The following GAS7 variants were observed in gnomAD, a reference collection of about 807,000 sequenced individuals.
GAS7 encodes the protein growth arrest specific 7.
In GAS7, 28 loss-of-function variants were observed where a neutral mutation model predicts 71.1. The observed-to-expected ratio is 0.39, with a 90% confidence interval of 0.29 to 0.54. GAS7 has a LOEUF of 0.54. Among genes scored for constraint, GAS7 ranks in the 20% least tolerant of loss-of-function variants. GAS7 has a pLI of 0.62. For synonymous variants in GAS7, 258 were observed against 245.8 expected, an observed-to-expected ratio of 1.05 and a Z score of -0.46; for missense variants, 436 against 627.8, an observed-to-expected ratio of 0.69 and a Z score of 3.27.
chr17:10,181,887 A>G (rs1034732053), intron 1 of GAS7, among the ~76,000 whole-genome samples: 2 of 152,194 alleles, frequency 1.3e-5, no homozygotes, highest in African/African-American at 4.8e-5. Flanking sequence ...GGTCATCCTC[A>G]CTGCTCATTA....
intron 1 of GAS7, among the ~76,000 whole-genome samples, chr17:10,172,335 G>A (rs1322328842): frequency 6.6e-6 from 1 of 152,126 alleles, no homozygotes; most frequent in African/African-American, 2.4e-5. Context: ...CGCATGTCCG[G>A]CCCTGCCCAA....
In GAS7 at chr17:10,169,471, G is replaced by A. The variant is rs73279957; in HGVS notation, c.183+28737C>T. On this transcript the variant is annotated intron_variant, in intron 1 of 13. Coordinates refer to ENST00000432992, the MANE Select transcript of GAS7 (RefSeq NM_201433.2). ...AACAGATGCTAACAACACCAGGAAG[G>A]GTGCGTCATCCCTGAGGCTTTGACC... Among the ~76,000 whole-genome samples the A allele has an allele frequency of 1.9e-3, 291 of 152,202 alleles. 1 individual carries two copies. Among genetic ancestry groups the A allele is most frequent in the African/African-American group, 6.7e-3 (277 of 41,530 alleles).
In GAS7 at chr17:9,913,676, T is replaced by C. The variant is rs2067500942; in HGVS notation, c.*3552A>G. 3 of 230,994 alleles carry C rather than the reference T, an allele frequency of 1.3e-5. No individual in the cohort carries two copies. The highest frequency in any genetic ancestry group is 5.7e-5 in the Admixed American group (1 of 17,676). 14.3% of individuals were successfully genotyped at this position (230,994 alleles called of 1,614,324 possible). A position where few individuals can be genotyped will look rare whatever the true frequency, so the allele number is the denominator to read the frequency against. ...GTGGAGGTAGAAAGGAGGCCCAGGGTGGTCCCACTGACAGAATCTCAGGGC... is the reference window on the plus strand; with the variant it reads ...GTGGAGGTAGAAAGGAGGCCCAGGGCGGTCCCACTGACAGAATCTCAGGGC... On this transcript the variant is annotated 3_prime_UTR_variant, in exon 14 of 14. Transcript: ENST00000432992.
rs949338457 is a variant in GAS7 at position 9,911,400 on chromosome 17, C to T, written c.*5828G>A. The T allele has an allele frequency of 4.3e-6, 1 of 233,540 alleles. No individual in the cohort carries two copies. Among genetic ancestry groups the T allele is most frequent in the Non-Finnish European group, 8.5e-6 (1 of 118,284 alleles). The allele number at this position is 233,540 out of a possible 1,614,324, so 14.5% of individuals were successfully genotyped here. ...CACCCACGTGCCCTGACCTTACATTCCACTGCAATCCCACTAAAGTTTCCC... is the reference window on the plus strand; with the variant it reads ...CACCCACGTGCCCTGACCTTACATTTCACTGCAATCCCACTAAAGTTTCCC... On this transcript the variant is annotated 3_prime_UTR_variant, in exon 14 of 14. Transcript: ENST00000432992. The surrounding 1 kb of genome is among the most constrained non-coding windows in gnomAD (Gnocchi z 4.0).
intron 1 of GAS7, among the ~76,000 whole-genome samples, chr17:10,062,253 G>C (rs952981795): frequency 1.3e-5 from 2 of 152,268 alleles, no homozygotes; most frequent in African/African-American, 4.8e-5. Flanking sequence ...GGGAGGCCAA[G>C]GCGGGTGGAT....
At chr17:10,095,527 T>C (rs966605825) in intron 1 of GAS7, among the ~76,000 whole-genome samples, 2 of 152,142 alleles carry the variant, frequency 1.3e-5, no homozygotes, top group Non-Finnish European at 2.9e-5. Context: ...GACAAATGTG[T>C]AAGTTTCTCA....
At chr17:9,979,763 A>T (rs967192617) in intron 3 of GAS7, among the ~76,000 whole-genome samples, 36 of 152,166 alleles carry the variant, frequency 2.4e-4, no homozygotes, top group African/African-American at 7.5e-4. Context: ...CTCTGGCTGG[A>T]AAAGACAGCT....
chr17:9,926,590 C>A lies in GAS7; in HGVS notation c.1014+51G>T. 1 of 1,597,652 alleles carries A rather than the reference C, an allele frequency of 6.3e-7. No homozygotes were observed. The highest frequency in any genetic ancestry group is 8.5e-7 in the Non-Finnish European group (1 of 1,170,794). ...TGCTGGCTTCCCAGTCCCCCTTCTT[C>A]CAGGCAGTCCCCCATGCACCTGCCC... is the stretch of plus-strand genomic sequence containing the variant. On this transcript the variant is annotated intron_variant, in intron 10 of 13. Transcript: ENST00000432992. The surrounding 1 kb of genome is among the most constrained non-coding windows in gnomAD (Gnocchi z 5.0).
intron 4 of GAS7, among the ~76,000 whole-genome samples, chr17:9,960,441 C>T (rs1452815608): frequency 1.3e-5 from 2 of 152,214 alleles, no homozygotes; most frequent in Non-Finnish European, 2.9e-5. Context: ...CCACCTGTCT[C>T]GGCCTCCCAA....
intron 1 of GAS7, among the ~76,000 whole-genome samples, chr17:10,181,287 G>A (rs1167455372): frequency 6.6e-6 from 1 of 151,994 alleles, no homozygotes; most frequent in East Asian, 1.9e-4. Context: ...TTGAACCCAG[G>A]AGGTGGAGAT....
At chr17:10,041,307 CAA>C (rs2072864950) in intron 1 of GAS7, among the ~76,000 whole-genome samples, 1 of 152,136 alleles carries the variant, frequency 6.6e-6, no homozygotes, top group Non-Finnish European at 1.5e-5. Flanking sequence ...TTTGTAACAG[CAA>C]AGAGGGGACA....
chr17:10,005,771 C>T (rs1020287076), intron 2 of GAS7, among the ~76,000 whole-genome samples: 6 of 152,192 alleles, frequency 3.9e-5, no homozygotes, highest in Admixed American at 1.3e-4. Context: ...TGCAAGACAG[C>T]TCTCCTGGAT....
chr17:10,182,784 C>T (rs1260857273), intron 1 of GAS7, among the ~76,000 whole-genome samples: 2 of 152,194 alleles, frequency 1.3e-5, no homozygotes, highest in Non-Finnish European at 1.5e-5. Flanking sequence ...CTGAGCTCCA[C>T]AGCAACACTT....
rs1226223311 is a variant in GAS7, at chr17:10,183,472, G to T, written c.183+14736C>A. 2.6e-5 allele frequency among the ~76,000 whole-genome samples: 4 copies of T among 152,176 alleles called. No individual in the cohort carries two copies. In the East Asian group the frequency reaches 7.7e-4, roughly 29 times the overall value. On this transcript the variant is annotated intron_variant, in intron 1 of 13. Coordinates refer to ENST00000432992, the MANE Select transcript of GAS7 (RefSeq NM_201433.2). Reference sequence around the variant, plus strand: ...GGAAGGTAAACTGCACTTACAGAGTGTGTGTGTACAAAGTGCCAAAGCTCT... The same window carrying T: ...GGAAGGTAAACTGCACTTACAGAGTTTGTGTGTACAAAGTGCCAAAGCTCT...
chr17:10,126,774 CTA>C (rs1326797561), intron 1 of GAS7, among the ~76,000 whole-genome samples: 1 of 152,252 alleles, frequency 6.6e-6, no homozygotes, highest in East Asian at 1.9e-4. Flanking sequence ...GGGGAAGAGA[CTA>C]TGCTCCGGAA....
At chr17:10,016,610 A>AAAC (rs1567542461) in intron 2 of GAS7, among the ~76,000 whole-genome samples, 1 of 145,520 alleles carries the variant, frequency 6.9e-6, no homozygotes, top group African/African-American at 2.5e-5. Context: ...ACCAAAAAAA[A>AAAC]AAAAAAAAAA....
At chr17:10,037,587 A>G (rs2072779041) in intron 1 of GAS7, among the ~76,000 whole-genome samples, 1 of 152,172 alleles carries the variant, frequency 6.6e-6, no homozygotes. Flanking sequence ...ACAATCGTCT[A>G]AGGATGGAGT....
intron 1 of GAS7, among the ~76,000 whole-genome samples, chr17:10,117,438 C>T (rs1029915314): frequency 1.3e-5 from 2 of 152,170 alleles, no homozygotes; most frequent in Non-Finnish European, 2.9e-5. Flanking sequence ...GGGACCATTA[C>T]TCAGCCCCCA....
intron 1 of GAS7, among the ~76,000 whole-genome samples, chr17:10,141,508 C>T (rs563861687): frequency 6.6e-6 from 1 of 152,208 alleles, no homozygotes; most frequent in East Asian, 1.9e-4. Flanking sequence ...ACCCAGATTC[C>T]CAGGGTAGAT....
Sources: gnomAD v4.1 joint callset for allele counts (sites outside exome capture counted in the v4.1 genomes callset) on GRCh38, gnomAD v4.1.1 for gene constraint, Gnocchi (gnomAD v3.1) non-coding constraint, MANE v1.5 for transcripts, NCBI Gene and HGNC (gene_info 2026-07-23, HGNC 2026-07-21) for gene names.